The following INSC variants were observed in gnomAD, a reference collection of about 807,000 sequenced individuals.
INSC encodes INSC spindle orientation adaptor protein.
Under a neutral mutation model 58.6 loss-of-function variants are expected in INSC, and 67 were observed. That is an observed-to-expected ratio of 1.14 (90% CI 0.94 to 1.40). The LOEUF is 1.40. Ranked by LOEUF, INSC falls within the 40% of genes most tolerant of loss-of-function variation. The pLI, the probability that INSC is intolerant of heterozygous loss-of-function variation, is 0.00. For synonymous variants in INSC, 262 were observed against 276.1 expected, an observed-to-expected ratio of 0.95 and a Z score of 0.51; for missense variants, 714 against 692.0, an observed-to-expected ratio of 1.03 and a Z score of -0.36.
At chr11:15,215,700 C>A (rs184702656) in intron 7 of INSC, among the ~76,000 whole-genome samples, 259 of 152,278 alleles carry the variant, frequency 1.7e-3, no homozygotes, top group Non-Finnish European at 2.6e-3. Flanking sequence ...TAAGAACTGC[C>A]CTGAGTGGCT....
intron 2 of INSC, among the ~76,000 whole-genome samples, chr11:15,159,745 C>T (rs1016036252): frequency 6.6e-6 from 1 of 152,144 alleles, no homozygotes; most frequent in Non-Finnish European, 1.5e-5. Context: ...TCAGTTTCCT[C>T]ATCTGTAAAA....
intron 9 of INSC, among the ~76,000 whole-genome samples, chr11:15,231,632 C>T (rs1044126868): frequency 1.1e-4 from 17 of 152,164 alleles, no homozygotes; most frequent in African/African-American, 4.1e-4. Context: ...ATTCATCTGG[C>T]AATTAAAGAA....
At chr11:15,194,483 G>A (rs903742034) in intron 6 of INSC, among the ~76,000 whole-genome samples, 5 of 152,238 alleles carry the variant, frequency 3.3e-5, no homozygotes. Flanking sequence ...CTGAAGCATG[G>A]CCAGACTCTC....
At chr11:15,237,087 A>G (rs16931277) in intron 10 of INSC, among the ~76,000 whole-genome samples, 10,739 of 152,240 alleles carry the variant, frequency 0.071, 744 homozygotes, top group African/African-American at 0.18. Flanking sequence ...ACAAAGTGCT[A>G]TTGACTGACT....
At chr11:15,201,088 G>GTGGC in intron 7 of INSC, 139 bp downstream of exon 7, 1 of 1,100,076 alleles carries the variant, frequency 9.1e-7, no homozygotes, top group Admixed American at 2.5e-5. Context: ...TTCGGATAGG[G>GTGGC]TGGCTGGGAC....
In INSC at chr11:15,143,508, A is replaced by G. The variant is rs1360528055; in HGVS notation, c.-45-5622A>G. On this transcript the variant is annotated intron_variant, in intron 1 of 12. Coordinates refer to ENST00000379556, the MANE Select transcript of INSC (RefSeq NM_001042536.3). ...TGAAGGACAAGAAGGGTGGTCAGAC[A>G]GGGACAAGATCCATGTGAGGCAAGT... Among the ~76,000 whole-genome samples the G allele has an allele frequency of 7.2e-5, 11 of 152,340 alleles. No homozygotes were observed. In the East Asian group the frequency reaches 1.9e-3, roughly 27 times the overall value.
chr11:15,269,637 A>T, the INSC span, among the ~76,000 whole-genome samples: 1 of 151,928 alleles, frequency 6.6e-6, no homozygotes, highest in African/African-American at 2.4e-5. Context: ...GGTAAGTGAG[A>T]TCATCTTTTG....
At chr11:15,134,719 C>T (rs1156637756) in intron 1 of INSC, among the ~76,000 whole-genome samples, 1 of 152,264 alleles carries the variant, frequency 6.6e-6, no homozygotes, top group East Asian at 1.9e-4. Flanking sequence ...GTTGCTATGA[C>T]CCCCCAATAT....
chr11:15,142,122 A>G (rs894881266), intron 1 of INSC, among the ~76,000 whole-genome samples: 17 of 152,104 alleles, frequency 1.1e-4, no homozygotes, highest in African/African-American at 3.9e-4. Context: ...TTTCCTCGCT[A>G]TGGCTCACAC....
intron 1 of INSC, among the ~76,000 whole-genome samples, chr11:15,128,936 T>C (rs1848061594): frequency 6.6e-6 from 1 of 152,158 alleles, no homozygotes; most frequent in African/African-American, 2.4e-5. Context: ...CTTTTTTATC[T>C]GCTTGGTCCT....
chr11:15,117,444 G>C (rs765105744), intron 1 of INSC, among the ~76,000 whole-genome samples: 1 of 152,210 alleles, frequency 6.6e-6, no homozygotes, highest in Non-Finnish European at 1.5e-5. Flanking sequence ...CAGTCCAGCA[G>C]AATAAAGGTG....
chr11:15,232,448 G>A (rs1540143), intron 9 of INSC, among the ~76,000 whole-genome samples: 12,397 of 152,110 alleles, frequency 0.082, 1,130 homozygotes, highest in African/African-American at 0.22. Flanking sequence ...ATTTAGAGAC[G>A]GAGTCTTGTT....
intron 1 of INSC, among the ~76,000 whole-genome samples, chr11:15,144,669 G>A (rs1848451188): frequency 6.6e-6 from 1 of 152,200 alleles, no homozygotes; most frequent in African/African-American, 2.4e-5. Context: ...CATGCTTGGA[G>A]CTGTACCTGG....
At chr11:15,269,441 C>G in the INSC span, among the ~76,000 whole-genome samples, 1 of 152,052 alleles carries the variant, frequency 6.6e-6, no homozygotes, top group Non-Finnish European at 1.5e-5. Flanking sequence ...TTCAACTTCG[C>G]CATTTTCCAG....
chr11:15,180,547 T>C (rs1181778280), intron 5 of INSC, among the ~76,000 whole-genome samples: 1 of 152,044 alleles, frequency 6.6e-6, no homozygotes, highest in East Asian at 1.9e-4. Context: ...CTGGTGCTCC[T>C]ACTTCCCCAG....
rs186730375 is a variant in INSC at position 15,245,944 on chromosome 11, T to A, written c.1503T>A (p.Pro501=). 178 of 1,614,236 alleles carry A rather than the reference T, an allele frequency of 1.1e-4. No homozygotes were observed. The East Asian group carries it at 3.5e-3, about 32-fold the overall frequency. The part of the protein sequence containing the change: ...AALRRLAGVC[P]EGLQDSDFQQ... Reference sequence around the variant, plus strand: ...TGCGTAGATTGGCTGGGGTCTGCCCTGAAGGCCTCCAGGACTCTGACTTTC... The same window carrying A: ...TGCGTAGATTGGCTGGGGTCTGCCCAGAAGGCCTCCAGGACTCTGACTTTC... Residue 501 remains proline (P), a synonymous_variant, in exon 13 of 13, where the codon CCT becomes CCA. Coordinates refer to ENST00000379556, the MANE Select transcript of INSC (RefSeq NM_001042536.3).
chr11:15,116,944 CTTCT>C (rs1847742076), intron 1 of INSC, among the ~76,000 whole-genome samples: 1 of 122,828 alleles, frequency 8.1e-6, no homozygotes, highest in African/African-American at 3.1e-5. Context: ...TCCTTCCTTC[CTTCT>C]TTCCTTCCTT....
At chr11:15,124,575 G>T (rs767087600) in intron 1 of INSC, among the ~76,000 whole-genome samples, 4 of 152,122 alleles carry the variant, frequency 2.6e-5, no homozygotes, top group Non-Finnish European at 5.9e-5. Context: ...TTGCACTTTG[G>T]CCCTGTGGAA....
intron 5 of INSC, among the ~76,000 whole-genome samples, chr11:15,187,433 C>A (rs1458102311): frequency 6.6e-6 from 1 of 152,170 alleles, no homozygotes; most frequent in Non-Finnish European, 1.5e-5. Flanking sequence ...CACAGATGGG[C>A]TACTCTACTA....
Sources: gnomAD v4.1 joint callset for allele counts (sites outside exome capture counted in the v4.1 genomes callset) on GRCh38, gnomAD v4.1.1 for gene constraint, MANE v1.5 for transcripts, NCBI Gene and HGNC (gene_info 2026-07-23, HGNC 2026-07-21) for gene names.